The following DLC1 variants were observed in gnomAD, a reference collection of about 807,000 sequenced individuals.
DLC1 encodes rho GTPase-activating protein 7.
A neutral mutation model predicts 140.3 loss-of-function variants in DLC1; 54 were observed. The observed-to-expected ratio is 0.38, with a 90% CI of 0.31 to 0.48. The LOEUF (loss-of-function observed/expected upper bound fraction) is 0.48. Ranked by LOEUF, DLC1 falls within the 20% of genes least tolerant of loss-of-function variation. The probability of loss-of-function intolerance (pLI) is 0.96; values close to 1 mark genes in which losing one functional copy is unlikely to be tolerated. For missense variants in DLC1, 2,536 were observed against 1,907.0 expected (o/e 1.33, Z -6.14); for synonymous variants, 986 against 728.1 (o/e 1.35, Z -5.70).
intron 2 of DLC1, among the ~76,000 whole-genome samples, chr8:13,468,498 C>T (rs1800053788): frequency 6.6e-6 from 1 of 151,574 alleles, no homozygotes; most frequent in South Asian, 2.1e-4. Context: ...CACCACCTCC[C>T]AGATAGCTAG....
chr8:13,217,637 A>T (rs1828267534), intron 5 of DLC1, among the ~76,000 whole-genome samples: 1 of 152,070 alleles, frequency 6.6e-6, no homozygotes, highest in Non-Finnish European at 1.5e-5. Flanking sequence ...GATCGAGACC[A>T]TCCTGGCTAA....
chr8:13,573,031 G>A (rs966707339), intron 1 of DLC1, among the ~76,000 whole-genome samples: 1 of 152,020 alleles, frequency 6.6e-6, no homozygotes, highest in Admixed American at 6.5e-5. Context: ...CTTTTGATAG[G>A]GATTGCATTT....
chr8:13,563,549 A>C (rs529682924), intron 1 of DLC1, among the ~76,000 whole-genome samples: 200 of 152,308 alleles, frequency 1.3e-3, no homozygotes, highest in African/African-American at 4.6e-3. Context: ...TTAGGAGAAG[A>C]GACTTGCTTG....
At chr8:13,455,847 G>A (rs745947952) in intron 2 of DLC1, among the ~76,000 whole-genome samples, 5 of 152,016 alleles carry the variant, frequency 3.3e-5, no homozygotes, top group East Asian at 1.9e-4. Context: ...CTGCACTCTG[G>A]CCTGGGCAAC....
intron 1 of DLC1, among the ~76,000 whole-genome samples, chr8:13,602,518 T>A (rs1563469333): frequency 6.6e-6 from 1 of 151,828 alleles, no homozygotes; most frequent in Non-Finnish European, 1.5e-5. Flanking sequence ...TAAAATGACA[T>A]GATGTCTAGG....
chr8:13,415,382 A>C (rs987689308), intron 2 of DLC1, among the ~76,000 whole-genome samples: 20 of 145,436 alleles, frequency 1.4e-4, no homozygotes, highest in African/African-American at 5.2e-4. Context: ...AGTGATGTTT[A>C]AACAGGGTAA....
chr8:13,387,316 T>A (rs1836568360), intron 4 of DLC1, among the ~76,000 whole-genome samples: 1 of 152,036 alleles, frequency 6.6e-6, no homozygotes. Flanking sequence ...TTTTAAATAT[T>A]GAACAGCATT....
chr8:13,540,923 GGTTCTTGACT>G (rs1259128686), intron 1 of DLC1, among the ~76,000 whole-genome samples: 8 of 152,188 alleles, frequency 5.3e-5, no homozygotes, highest in Admixed American at 1.3e-4. Flanking sequence ...CATAAATGCA[GGTTCTTGACT>G]GTTAAGCCAT....
intron 5 of DLC1, among the ~76,000 whole-genome samples, chr8:13,120,727 C>T (rs537365105): frequency 5.9e-5 from 9 of 152,244 alleles, no homozygotes; most frequent in African/African-American, 1.9e-4. Flanking sequence ...TTATTGGAAA[C>T]AGCTTTAGTC....
intron 2 of DLC1, among the ~76,000 whole-genome samples, chr8:13,451,893 G>A (rs911937968): frequency 3.9e-5 from 6 of 152,118 alleles, no homozygotes; most frequent in African/African-American, 1.2e-4. Context: ...CCCAGCAGTA[G>A]GATTGCTGGA....
At position 13,099,451 on chromosome 8, in the gene DLC1, G is replaced by A; in HGVS notation, c.2886C>T (p.Ser962=). ...LDVDNDRTTP[S]DLDSTGNSLN... is the part of the protein sequence containing the mutation. ...GGGAGTTGCCTGTGCTGTCCAGGTC[G>A]CTGGGTGTGGTTCGGTCGTTGTCCA... Residue 962 remains serine (S), a synonymous_variant, in exon 9 of 18, where the codon AGC becomes AGT. Coordinates refer to ENST00000276297, the MANE Select transcript of DLC1 (RefSeq NM_182643.3). The A allele has an allele frequency of 6.2e-7, 1 of 1,614,160 alleles. No individual in the cohort carries two copies. The highest frequency in any genetic ancestry group is 8.5e-7 in the Non-Finnish European group (1 of 1,180,030).
chr8:13,548,990 A>G (rs1437688802), intron 1 of DLC1, among the ~76,000 whole-genome samples: 2 of 152,080 alleles, frequency 1.3e-5, no homozygotes, highest in Non-Finnish European at 2.9e-5. Context: ...CCCTCAATTT[A>G]TAAAATATAA....
chr8:13,144,652 C>G (rs1823284718), intron 5 of DLC1, among the ~76,000 whole-genome samples: 4 of 152,128 alleles, frequency 2.6e-5, no homozygotes, highest in Admixed American at 2.6e-4. Context: ...GTAGTCCCAG[C>G]TACTCGGGAG....
chr8:13,105,938 C>T (rs1819528923), intron 7 of DLC1, among the ~76,000 whole-genome samples: 1 of 152,150 alleles, frequency 6.6e-6, no homozygotes, highest in Non-Finnish European at 1.5e-5. Context: ...AACTTATATC[C>T]TAAGGGATTC....
chr8:13,389,673 C>A (rs1836667707), intron 4 of DLC1, among the ~76,000 whole-genome samples: 1 of 152,082 alleles, frequency 6.6e-6, no homozygotes, highest in African/African-American at 2.4e-5. Flanking sequence ...CGGTCCTATT[C>A]TAAGAATAAG....
At chr8:13,216,450 AG>A (rs1277186808) in intron 5 of DLC1, among the ~76,000 whole-genome samples, 1 of 152,006 alleles carries the variant, frequency 6.6e-6, no homozygotes, top group Non-Finnish European at 1.5e-5. Context: ...CTCTACTCCA[AG>A]GGGCTCAAGT....
chr8:13,568,716 T>C (rs1363906023), intron 1 of DLC1, among the ~76,000 whole-genome samples: 2 of 152,220 alleles, frequency 1.3e-5, no homozygotes, highest in African/African-American at 4.8e-5. Context: ...ATCAGGAATG[T>C]ATAGTGTCAT....
In DLC1 at chr8:13,088,499, T is replaced by A. The variant is rs758798040; in HGVS notation, c.4280A>T (p.Tyr1427Phe). Reference sequence around the variant, plus strand: ...GGGAAGCGCTCACCTTAAAACAACGTAGTCTCGAGCAGGATGAGGTGCCAT... The same window carrying A: ...GGGAAGCGCTCACCTTAAAACAACGAAGTCTCGAGCAGGATGAGGTGCCAT... ...NSMAPHPARD[Y>F]VVLRTWRTNL... The change falls in exon 16 of 18, where the codon TAC (tyrosine) becomes TTC (phenylalanine). Residue 1427 changes from tyrosine to phenylalanine, a missense_variant. Tyr to Phe is a conservative substitution (Grantham distance 22). Transcript: ENST00000276297. 6.2e-6 allele frequency: 10 copies of A among 1,614,112 alleles called. No homozygotes were observed. Among genetic ancestry groups the A allele is most frequent in the Non-Finnish European group, 7.6e-6 (9 of 1,180,044 alleles).
At chr8:13,113,303 T>G (rs930029675) in intron 6 of DLC1, among the ~76,000 whole-genome samples, 2 of 152,172 alleles carry the variant, frequency 1.3e-5, no homozygotes, top group Non-Finnish European at 2.9e-5. Flanking sequence ...TGGGTTGGTA[T>G]GGGGTGTATA....
Sources: allele counts gnomAD v4.1 joint callset (sites outside exome capture counted in the v4.1 genomes callset), GRCh38; gene constraint gnomAD v4.1.1; transcripts MANE v1.5; gene names NCBI Gene and HGNC (gene_info 2026-07-23, HGNC 2026-07-21).